Variants in CNTN4 observed in about 807,000 individuals in gnomAD.
CNTN4 encodes the protein contactin-4.
Under a neutral mutation model 122.5 loss-of-function variants are expected in CNTN4, and 77 were observed. That is an observed-to-expected ratio of 0.63 (90% confidence interval 0.52 to 0.76). The LOEUF (loss-of-function observed/expected upper bound fraction) is 0.76. Ranked by LOEUF, CNTN4 falls within the 30% of genes least tolerant of loss-of-function variation. The probability of loss-of-function intolerance (pLI) is 0.00; values close to 1 mark genes in which losing one functional copy is unlikely to be tolerated. For missense variants in CNTN4, 1,256 were observed against 1,259.1 expected (o/e 1.00, Z 0.04); for synonymous variants, 512 against 447.0 (o/e 1.15, Z -1.83).
intron 3 of CNTN4, among the ~76,000 whole-genome samples, chr3:2,565,511 C>T (rs1235413556): frequency 6.6e-6 from 1 of 152,150 alleles, no homozygotes; most frequent in Non-Finnish European, 1.5e-5. Context: ...ACTGTAATCA[C>T]AGGACATACA....
At chr3:2,126,753 A>G (rs1030525283) in intron 2 of CNTN4, among the ~76,000 whole-genome samples, 17 of 152,282 alleles carry the variant, frequency 1.1e-4, no homozygotes, top group African/African-American at 3.8e-4. Flanking sequence ...CTTACTTTAA[A>G]TGTGCTTTGG....
chr3:2,302,388 A>G (rs2042556792), intron 2 of CNTN4, among the ~76,000 whole-genome samples: 1 of 152,196 alleles, frequency 6.6e-6, no homozygotes, highest in Non-Finnish European at 1.5e-5. Context: ...AGATCGTGCC[A>G]CTGCACTCCA....
At chr3:2,842,692 A>T (rs922353404) in intron 7 of CNTN4, among the ~76,000 whole-genome samples, 1 of 152,194 alleles carries the variant, frequency 6.6e-6, no homozygotes, top group Admixed American at 6.5e-5. Context: ...ACTAAAGCTG[A>T]TGATAAATTC....
intron 4 of CNTN4, among the ~76,000 whole-genome samples, chr3:2,597,498 T>A (rs1443007212): frequency 1.3e-5 from 2 of 152,074 alleles, no homozygotes; most frequent in Non-Finnish European, 2.9e-5. Flanking sequence ...GGCTCCTGAG[T>A]CGTAATGTTG....
chr3:2,501,164 A>G (rs2076584149), intron 3 of CNTN4, among the ~76,000 whole-genome samples: 1 of 152,126 alleles, frequency 6.6e-6, no homozygotes, highest in Non-Finnish European at 1.5e-5. Context: ...GCTCAGGAGG[A>G]TAGACATGTC....
intron 3 of CNTN4, among the ~76,000 whole-genome samples, chr3:2,420,929 C>T (rs1036446142): frequency 2.0e-5 from 3 of 152,162 alleles, no homozygotes; most frequent in African/African-American, 7.2e-5. Context: ...ATGTACTTCA[C>T]GTTTTGCCTA....
intron 6 of CNTN4, among the ~76,000 whole-genome samples, chr3:2,769,454 G>A (rs2090995119): frequency 8.1e-6 from 1 of 123,448 alleles, no homozygotes; most frequent in Non-Finnish European, 1.7e-5. Context: ...AACAGAGTGA[G>A]ACTCTGTCTC....
chr3:2,501,844 A>T (rs2076603146), intron 3 of CNTN4, among the ~76,000 whole-genome samples: 1 of 152,150 alleles, frequency 6.6e-6, no homozygotes, highest in Non-Finnish European at 1.5e-5. Context: ...TAACACCTAG[A>T]TTCCACCATT....
At chr3:2,758,445 C>A (rs960729698) in intron 6 of CNTN4, among the ~76,000 whole-genome samples, 2 of 151,428 alleles carry the variant, frequency 1.3e-5, no homozygotes, top group Non-Finnish European at 2.9e-5. Flanking sequence ...GGTGCATATT[C>A]CATATAGTCT....
At chr3:2,104,480 G>A (rs139410883) in intron 2 of CNTN4, among the ~76,000 whole-genome samples, 284 of 152,262 alleles carry the variant, frequency 1.9e-3, no homozygotes, top group African/African-American at 6.2e-3. Flanking sequence ...TGTCCATGGG[G>A]TCATTCAGGG....
In CNTN4 at chr3:2,270,151, T is replaced by G. The variant is rs1289694864; in HGVS notation, c.-144-69027T>G. ...TTTTTAGTAGAGACGGGGTTTCACCTTGTTAGCCAGGATGGTCTCGATCTC... is the reference window on the plus strand; with the variant it reads ...TTTTTAGTAGAGACGGGGTTTCACCGTGTTAGCCAGGATGGTCTCGATCTC... On this transcript the variant is annotated intron_variant, in intron 2 of 24. Transcript: ENST00000418658. 6.7e-4 allele frequency among the ~76,000 whole-genome samples: 36 copies of G among 53,636 alleles called. 6 individuals are homozygous for G. Among genetic ancestry groups the G allele is most frequent in the Admixed American group, 1.2e-3 (5 of 4,286 alleles). The allele number at this position is 53,636 out of a possible 152,430, so 35.2% of individuals were successfully genotyped here.
chr3:2,132,876 G>C (rs188786765), intron 2 of CNTN4, among the ~76,000 whole-genome samples: 310 of 152,248 alleles, frequency 2.0e-3, no homozygotes, highest in African/African-American at 7.0e-3. Context: ...ATAAGATGTA[G>C]ATTTTGAAAA....
At chr3:2,687,360 T>C (rs2085489343) in intron 4 of CNTN4, among the ~76,000 whole-genome samples, 1 of 41,094 alleles carries the variant, frequency 2.4e-5, no homozygotes, top group South Asian at 6.7e-4. Flanking sequence ...CATTTTAATT[T>C]GCAATATCTG....
At chr3:2,247,355 T>C (rs372211890) in intron 2 of CNTN4, among the ~76,000 whole-genome samples, 2 of 152,146 alleles carry the variant, frequency 1.3e-5, no homozygotes, top group East Asian at 3.9e-4. Flanking sequence ...TTTTCTGTGC[T>C]TGGTTGGTGT....
At chr3:2,299,907 G>A (rs530470458) in intron 2 of CNTN4, among the ~76,000 whole-genome samples, 166 of 152,108 alleles carry the variant, frequency 1.1e-3, no homozygotes, top group African/African-American at 3.6e-3. Flanking sequence ...AGCGTTTACC[G>A]CATTAAAATA....
chr3:2,501,884 C>T (rs2076604106), intron 3 of CNTN4, among the ~76,000 whole-genome samples: 1 of 152,182 alleles, frequency 6.6e-6, no homozygotes, highest in Non-Finnish European at 1.5e-5. Flanking sequence ...CACATGGGTG[C>T]ATGAGATCCT....
At chr3:2,951,592 G>A (rs890345738) in intron 13 of CNTN4, among the ~76,000 whole-genome samples, 7 of 152,128 alleles carry the variant, frequency 4.6e-5, no homozygotes, top group Non-Finnish European at 7.3e-5. Context: ...AAACTTATTG[G>A]TAATACATAG....
intron 4 of CNTN4, among the ~76,000 whole-genome samples, chr3:2,650,283 C>T (rs747214100): frequency 6.6e-6 from 1 of 151,746 alleles, no homozygotes; most frequent in Admixed American, 6.6e-5. Flanking sequence ...AAGTGGAGCC[C>T]AGAGAGAGAA....
At chr3:2,135,642 G>A (rs1041037934) in intron 2 of CNTN4, among the ~76,000 whole-genome samples, 1 of 151,510 alleles carries the variant, frequency 6.6e-6, no homozygotes, top group South Asian at 2.1e-4. Context: ...CTTTTTGTTT[G>A]GGAAAGTGTG....
Sources: gnomAD v4.1 joint callset for allele counts (sites outside exome capture counted in the v4.1 genomes callset) on GRCh38, gnomAD v4.1.1 for gene constraint, MANE v1.5 for transcripts, NCBI Gene and HGNC (gene_info 2026-07-23, HGNC 2026-07-21) for gene names.